STX8: variants seen among roughly 807,000 people sequenced by gnomAD.
STX8 encodes the protein syntaxin-8.
A neutral mutation model predicts 37.5 loss-of-function variants in STX8; 23 were observed. That is an observed-to-expected ratio of 0.61 (90% CI 0.44 to 0.87). The LOEUF is 0.87. Among genes scored for constraint, STX8 ranks in the 40% least tolerant of loss-of-function variants. STX8 has a pLI of 0.00. For missense variants in STX8, 313 were observed against 284.7 expected (o/e 1.10, Z -0.71); for synonymous variants, 115 against 99.1 (o/e 1.16, Z -0.95).
At chr17:9,372,718 C>T (rs1485559552) in intron 7 of STX8, among the ~76,000 whole-genome samples, 2 of 151,044 alleles carry the variant, frequency 1.3e-5, no homozygotes, top group African/African-American at 4.8e-5. Context: ...CCTTGTGATC[C>T]ACCCGCCTCG....
intron 5 of STX8, among the ~76,000 whole-genome samples, chr17:9,503,702 A>G (rs980039428): frequency 6.6e-6 from 1 of 152,206 alleles, no homozygotes; most frequent in African/African-American, 2.4e-5. Context: ...CAGAATTAGA[A>G]AGAATAATGT....
chr17:9,343,422 G>A (rs1039114027), intron 7 of STX8, among the ~76,000 whole-genome samples: 14 of 43,832 alleles, frequency 3.2e-4, no homozygotes, highest in Non-Finnish European at 4.2e-4. Flanking sequence ...ACTGATCATT[G>A]TAACTGTTTT....
chr17:9,346,954 C>A (rs1032849468), intron 7 of STX8, among the ~76,000 whole-genome samples: 7 of 152,020 alleles, frequency 4.6e-5, no homozygotes, highest in African/African-American at 1.4e-4. Context: ...ATGGAGAAAC[C>A]CCGTCTCTAC....
At chr17:9,278,332 C>A (rs1406794613) in intron 7 of STX8, among the ~76,000 whole-genome samples, 1 of 152,184 alleles carries the variant, frequency 6.6e-6, no homozygotes, top group African/African-American at 2.4e-5. Flanking sequence ...CCTGTTAATC[C>A]CAGCTACTCG....
Position 9,263,492 on chromosome 17 carries a change from A to T in STX8, c.644-12847T>A, listed in dbSNP as rs538716399. Among the ~76,000 whole-genome samples the T allele has an allele frequency of 2.0e-5, 3 of 152,314 alleles. No homozygotes were observed. The South Asian group carries it at 6.2e-4, about 32-fold the overall frequency. Reference sequence around the variant, plus strand: ...GAAACTCCGTCTCATATGGAATTCTAATATAAGTAGTATCTAATGACTAGC... The same window carrying T: ...GAAACTCCGTCTCATATGGAATTCTTATATAAGTAGTATCTAATGACTAGC... On this transcript the variant is annotated intron_variant, in intron 7 of 7. Coordinates refer to ENST00000306357, the MANE Select transcript of STX8 (RefSeq NM_004853.3).
At chr17:9,266,107 C>T (rs573811899) in intron 7 of STX8, among the ~76,000 whole-genome samples, 9 of 152,144 alleles carry the variant, frequency 5.9e-5, no homozygotes, top group Admixed American at 2.0e-4. Context: ...CATCCTTAAA[C>T]GTTAATAAGA....
intron 7 of STX8, among the ~76,000 whole-genome samples, chr17:9,343,060 T>C (rs1175504979): frequency 2.1e-5 from 3 of 144,786 alleles, no homozygotes; most frequent in Admixed American, 6.9e-5. Context: ...AATGTGAGGA[T>C]GCACTGAGTG....
intron 2 of STX8, among the ~76,000 whole-genome samples, chr17:9,562,404 T>G (rs527240717): frequency 6.8e-6 from 1 of 146,312 alleles, no homozygotes; most frequent in Non-Finnish European, 1.5e-5. Context: ...AGACTCCGTC[T>G]CAGGAAAAAA....
chr17:9,323,656 A>C (rs1909649968), intron 7 of STX8, among the ~76,000 whole-genome samples: 1 of 152,194 alleles, frequency 6.6e-6, no homozygotes, highest in African/African-American at 2.4e-5. Context: ...ACATACGCAC[A>C]CAGCACTGGA....
intron 7 of STX8, among the ~76,000 whole-genome samples, chr17:9,357,415 C>T (rs1910921567): frequency 6.6e-6 from 1 of 152,044 alleles, no homozygotes; most frequent in Admixed American, 6.5e-5. Flanking sequence ...ACTGGCCAGG[C>T]ACGGTGGCTC....
intron 4 of STX8, among the ~76,000 whole-genome samples, chr17:9,538,128 A>G (rs1906132659): frequency 2.0e-5 from 3 of 152,192 alleles, no homozygotes; most frequent in Non-Finnish European, 4.4e-5. Flanking sequence ...GACTGTACTT[A>G]GTAACTCCTT....
At chr17:9,448,689 T>C (rs1421427395) in intron 6 of STX8, among the ~76,000 whole-genome samples, 1 of 152,172 alleles carries the variant, frequency 6.6e-6, no homozygotes, top group East Asian at 1.9e-4. Flanking sequence ...GTTTCATTAA[T>C]TGGTTGATGA....
intron 6 of STX8, among the ~76,000 whole-genome samples, chr17:9,482,651 C>T (rs1415529544): frequency 6.6e-6 from 1 of 152,128 alleles, no homozygotes; most frequent in Non-Finnish European, 1.5e-5. Context: ...AAATCTCTCA[C>T]GCCTGTAATC....
chr17:9,391,880 C>G (rs1397246837), intron 6 of STX8, among the ~76,000 whole-genome samples: 1 of 152,062 alleles, frequency 6.6e-6, no homozygotes, highest in Non-Finnish European at 1.5e-5. Context: ...GAAAAGCAAC[C>G]CCTTAAAGTT....
chr17:9,261,486 C>T (rs937868414), intron 7 of STX8, among the ~76,000 whole-genome samples: 4 of 152,150 alleles, frequency 2.6e-5, no homozygotes, highest in Admixed American at 6.5e-5. Flanking sequence ...TCAACCCTAT[C>T]TCTACCCACG....
chr17:9,551,991 T>C (rs1314559900), intron 3 of STX8, among the ~76,000 whole-genome samples: 2 of 152,044 alleles, frequency 1.3e-5, no homozygotes, highest in Admixed American at 6.6e-5. Context: ...ACTTTTACTA[T>C]CATGGTGAAA....
At chr17:9,435,837 A>G (rs1904411682) in intron 6 of STX8, among the ~76,000 whole-genome samples, 1 of 152,200 alleles carries the variant, frequency 6.6e-6, no homozygotes, top group Non-Finnish European at 1.5e-5. Context: ...TTCATTCTAC[A>G]ATGTATATAT....
intron 4 of STX8, among the ~76,000 whole-genome samples, chr17:9,531,805 T>C (rs1001484239): frequency 6.8e-6 from 1 of 146,406 alleles, no homozygotes; most frequent in Non-Finnish European, 1.5e-5. Context: ...ATTTTACTTA[T>C]TTCTACAGAT....
At chr17:9,464,219 T>A (rs1208367630) in intron 6 of STX8, among the ~76,000 whole-genome samples, 1 of 152,268 alleles carries the variant, frequency 6.6e-6, no homozygotes, top group Non-Finnish European at 1.5e-5. Context: ...TAAAGAGCAG[T>A]TGCTTTAGAA....
Sources: allele counts gnomAD v4.1 joint callset (sites outside exome capture counted in the v4.1 genomes callset), GRCh38; gene constraint gnomAD v4.1.1; transcripts MANE v1.5; gene names NCBI Gene and HGNC (gene_info 2026-07-23, HGNC 2026-07-21).